The following DAB1 variants were observed in gnomAD, a reference collection of about 807,000 sequenced individuals.
DAB1 encodes DAB adaptor protein 1, also known as disabled homolog 1.
A neutral mutation model predicts 64.6 loss-of-function variants in DAB1; 15 were observed. The observed-to-expected ratio is 0.23, with a 90% confidence interval of 0.16 to 0.36. The LOEUF (loss-of-function observed/expected upper bound fraction) is 0.36, where lower values mean the gene tolerates loss of function less well. Ranked by LOEUF, DAB1 falls within the 10% of genes least tolerant of loss-of-function variation. The pLI is 1.00. For synonymous variants in DAB1, 235 were observed against 251.9 expected (o/e 0.93, Z 0.64); for missense variants, 596 against 706.7 (o/e 0.84, Z 1.78).
In DAB1 at chr1:57,128,171, AT is replaced by A. The variant is rs1426100901; in HGVS notation, c.306+8371del. ...AAAATAAAAATAAATAAATAAATAAATAAATAAATAAATAAATAAATAATAC... is the reference window on the plus strand; with the variant it reads ...AAAATAAAAATAAATAAATAAATAAAAAATAAATAAATAAATAAATAATAC... On this transcript the variant is annotated intron_variant, in intron 4 of 14. Transcript: ENST00000371236. 2.4e-3 allele frequency among the ~76,000 whole-genome samples: 347 copies of A among 146,728 alleles called. 1 individual carries two copies. Among genetic ancestry groups the A allele is most frequent in the Admixed American group, 4.2e-3 (63 of 14,956 alleles).
At chr1:57,932,387 T>C (rs919158840) in intron 5 of DAB1, among the ~76,000 whole-genome samples, 1 of 152,150 alleles carries the variant, frequency 6.6e-6, no homozygotes, top group Non-Finnish European at 1.5e-5. Flanking sequence ...ACTATGTTCT[T>C]ACTAAATTTT....
chr1:58,539,514 C>T (rs1330390171), intron 1 of DAB1, among the ~76,000 whole-genome samples: 2 of 150,948 alleles, frequency 1.3e-5, no homozygotes, highest in South Asian at 2.1e-4. Context: ...TACTATGCAA[C>T]GTTTACTTTA....
intron 6 of DAB1, among the ~76,000 whole-genome samples, chr1:57,810,773 C>T (rs1651582107): frequency 6.6e-6 from 1 of 152,166 alleles, no homozygotes; most frequent in African/African-American, 2.4e-5. Context: ...TACAACTAGG[C>T]CCTAAGGTCT....
At chr1:57,542,728 A>C (rs1413168339) in intron 7 of DAB1, among the ~76,000 whole-genome samples, 1 of 152,102 alleles carries the variant, frequency 6.6e-6, no homozygotes, top group Non-Finnish European at 1.5e-5. Flanking sequence ...CACAGTATTC[A>C]GCCTCCAAGA....
At chr1:58,043,160 G>A (rs1470611498) in intron 5 of DAB1, among the ~76,000 whole-genome samples, 3 of 152,124 alleles carry the variant, frequency 2.0e-5, no homozygotes, top group Non-Finnish European at 4.4e-5. Context: ...TTAACACAAG[G>A]TAGTAAGAAG....
intron 8 of DAB1, among the ~76,000 whole-genome samples, chr1:57,065,234 G>T (rs1570624628): frequency 1.3e-5 from 2 of 152,220 alleles, no homozygotes; most frequent in East Asian, 3.9e-4. Context: ...GATTCTCTAG[G>T]CCTTGTTTGG....
At chr1:57,176,624 G>C (rs555925361) in intron 2 of DAB1, among the ~76,000 whole-genome samples, 1 of 152,042 alleles carries the variant, frequency 6.6e-6, no homozygotes, top group East Asian at 1.9e-4. Flanking sequence ...TTCTTTTCTT[G>C]GTACATGATA....
At chr1:58,320,227 T>C (rs1201988071) in intron 4 of DAB1, among the ~76,000 whole-genome samples, 1 of 152,218 alleles carries the variant, frequency 6.6e-6, no homozygotes, top group Non-Finnish European at 1.5e-5. Context: ...GAAGGACATA[T>C]GGAAGGGCTT....
intron 6 of DAB1, among the ~76,000 whole-genome samples, chr1:57,820,978 T>A (rs1204011349): frequency 6.6e-6 from 1 of 152,192 alleles, no homozygotes; most frequent in Non-Finnish European, 1.5e-5. Flanking sequence ...TTTACAGCTT[T>A]TCCTTCGCAA....
intron 1 of DAB1, among the ~76,000 whole-genome samples, chr1:57,365,871 G>A (rs1438037508): frequency 2.0e-5 from 3 of 152,210 alleles, no homozygotes; most frequent in East Asian, 1.9e-4. Context: ...GCTAAATCCC[G>A]TATACTGTAA....
rs148314621 is a variant in DAB1, at chr1:58,524,168, G to A, written n.107+3093C>T. On this transcript the variant is annotated intron_variant and non_coding_transcript_variant, in intron 2 of 20. Coordinates refer to the DAB1 transcript ENST00000485760. ...TATCCCTTCTGCCTTAAATCTTGAT[G>A]CTCATTAATAAATGTCCTTTATGGC... Among the ~76,000 whole-genome samples the A allele has an allele frequency of 1.2e-3, 182 of 152,278 alleles. 1 individual carries two copies. The highest frequency in any genetic ancestry group is 3.9e-3 in the African/African-American group (162 of 41,540).
At chr1:57,399,727 G>A (rs546076610) in intron 1 of DAB1, among the ~76,000 whole-genome samples, 1 of 152,224 alleles carries the variant, frequency 6.6e-6, no homozygotes, top group Non-Finnish European at 1.5e-5. Context: ...CATACAGCTA[G>A]TAAGCTACAC....
chr1:57,687,865 T>C lies in DAB1; in HGVS notation n.552-38200A>G, dbSNP rs564942017. ...GTGCTGGGATAACGGGCTAGCCATA[T>C]GCAGAAGAATGAAACTAGACCCACT... On this transcript the variant is annotated intron_variant and non_coding_transcript_variant, in intron 6 of 20. Coordinates refer to the DAB1 transcript ENST00000485760. Among the ~76,000 whole-genome samples, 37 of 152,258 alleles carry C rather than the reference T, an allele frequency of 2.4e-4. 1 individual carries two copies. The highest frequency in any genetic ancestry group is 1.9e-3 in the South Asian group (9 of 4,826).
intron 2 of DAB1, among the ~76,000 whole-genome samples, chr1:58,508,035 C>T (rs1257778422): frequency 6.6e-6 from 1 of 152,054 alleles, no homozygotes; most frequent in Non-Finnish European, 1.5e-5. Flanking sequence ...AATCAAAAGA[C>T]AAAATATTTC....
chr1:57,104,462 C>T (rs528852949), intron 4 of DAB1, among the ~76,000 whole-genome samples: 50 of 152,280 alleles, frequency 3.3e-4, no homozygotes, highest in Non-Finnish European at 5.9e-4. Flanking sequence ...AGTAGGTTGA[C>T]ATTTAGAAAA....
In DAB1 at chr1:58,255,389, G is replaced by A. The variant is rs148919138; in HGVS notation, n.309+87963C>T. 1.2e-3 allele frequency among the ~76,000 whole-genome samples: 188 copies of A among 151,400 alleles called. 2 individuals are homozygous for A. The highest frequency in any genetic ancestry group is 1.7e-3 in the South Asian group (8 of 4,742). On this transcript the variant is annotated intron_variant and non_coding_transcript_variant, in intron 4 of 20. Coordinates refer to the DAB1 transcript ENST00000485760. Reference sequence around the variant, plus strand: ...AAGCCAGTTCTTTTCTATTGATGATGTCATCACGTCTGTGAACTCTCTTGC... The same window carrying A: ...AAGCCAGTTCTTTTCTATTGATGATATCATCACGTCTGTGAACTCTCTTGC...
intron 7 of DAB1, among the ~76,000 whole-genome samples, chr1:57,499,254 G>A (rs79821670): frequency 2.0e-5 from 3 of 152,170 alleles, no homozygotes; most frequent in East Asian, 1.9e-4. Flanking sequence ...GATTACAGGC[G>A]TGAGCCACTG....
intron 5 of DAB1, among the ~76,000 whole-genome samples, chr1:58,022,856 T>C (rs1341050333): frequency 1.3e-5 from 2 of 152,140 alleles, no homozygotes; most frequent in Admixed American, 1.3e-4. Context: ...AACAATCCCA[T>C]CATCATTCAT....
chr1:57,489,512 C>T (rs967152590), intron 7 of DAB1, among the ~76,000 whole-genome samples: 2 of 152,184 alleles, frequency 1.3e-5, no homozygotes, highest in Non-Finnish European at 2.9e-5. Flanking sequence ...AGGCTGACTC[C>T]GTTTCTTCTC....
Sources: gnomAD v4.1 joint callset for allele counts (sites outside exome capture counted in the v4.1 genomes callset) on GRCh38, gnomAD v4.1.1 for gene constraint, MANE v1.5 for transcripts, NCBI Gene and HGNC (gene_info 2026-07-23, HGNC 2026-07-21) for gene names.